The following ADAMTS3 variants were observed in gnomAD, a reference collection of about 807,000 sequenced individuals.
ADAMTS3 encodes A disintegrin and metalloproteinase with thrombospondin motifs 3.
A neutral mutation model predicts 129.0 loss-of-function variants in ADAMTS3; 73 were observed. The ratio of observed to expected loss-of-function variants is 0.57; its 90% CI spans 0.47 to 0.69. The LOEUF is 0.69. ADAMTS3 is among the 30% of genes least tolerant of loss of function. The probability of loss-of-function intolerance (pLI) is 0.00; values close to 1 mark genes in which losing one functional copy is unlikely to be tolerated. For synonymous variants in ADAMTS3, 477 were observed against 510.8 expected, an observed-to-expected ratio of 0.93 and a Z score of 0.89; for missense variants, 1,457 against 1,514.5, an observed-to-expected ratio of 0.96 and a Z score of 0.63.
chr4:72,478,534 G>A (rs1719315047), intron 3 of ADAMTS3, among the ~76,000 whole-genome samples: 1 of 148,956 alleles, frequency 6.7e-6, no homozygotes, highest in Non-Finnish European at 1.5e-5. Context: ...GTATTGATGG[G>A]ACATATCTCA....
intron 3 of ADAMTS3, among the ~76,000 whole-genome samples, chr4:72,470,263 A>G (rs937534315): frequency 2.0e-5 from 3 of 151,662 alleles, no homozygotes; most frequent in African/African-American, 7.3e-5. Flanking sequence ...CTACACTGAC[A>G]TGATTCCTCT....
chr4:72,466,990 T>G (rs1280846231), intron 3 of ADAMTS3, among the ~76,000 whole-genome samples: 2 of 152,074 alleles, frequency 1.3e-5, no homozygotes, highest in Non-Finnish European at 2.9e-5. Context: ...TATGTCACAT[T>G]TAAAACCTCA....
At chr4:72,356,126 A>T (rs1170755944) in intron 4 of ADAMTS3, among the ~76,000 whole-genome samples, 3 of 152,098 alleles carry the variant, frequency 2.0e-5, no homozygotes, top group African/African-American at 7.2e-5. Flanking sequence ...TAAACAAATG[A>T]GTGAACAAAT....
chr4:72,317,357 T>C (rs1433580520), intron 10 of ADAMTS3, among the ~76,000 whole-genome samples: 1 of 152,122 alleles, frequency 6.6e-6, no homozygotes, highest in Non-Finnish European at 1.5e-5. Context: ...ACAGACCAAA[T>C]GGTTGTATAT....
intron 3 of ADAMTS3, among the ~76,000 whole-genome samples, chr4:72,526,733 C>CATATAT (rs36097990): frequency 3.5e-4 from 35 of 99,046 alleles, no homozygotes; most frequent in Non-Finnish European, 4.4e-4. Flanking sequence ...TATATACATA[C>CATATAT]ATATATATAT....
intron 2 of ADAMTS3, among the ~76,000 whole-genome samples, chr4:72,565,073 C>A (rs2109810035): frequency 6.6e-6 from 1 of 152,274 alleles, no homozygotes; most frequent in East Asian, 1.9e-4. Flanking sequence ...TGTGAAAAAT[C>A]AGCAAAGTAC....
intron 4 of ADAMTS3, among the ~76,000 whole-genome samples, chr4:72,390,689 G>T (rs967516229): frequency 6.6e-6 from 1 of 152,160 alleles, no homozygotes; most frequent in Non-Finnish European, 1.5e-5. Context: ...TTAAGAGAAG[G>T]CTTCAGTAGC....
At chr4:72,498,490 C>G (rs1437279446) in intron 3 of ADAMTS3, among the ~76,000 whole-genome samples, 1 of 151,944 alleles carries the variant, frequency 6.6e-6, no homozygotes, top group Non-Finnish European at 1.5e-5. Context: ...ATACAACTTT[C>G]AAGGTAATAA....
chr4:72,283,685 G>C lies in ADAMTS3; in HGVS notation c.3069C>G (p.Asp1023Glu). The C allele has an allele frequency of 6.3e-7, 1 of 1,587,308 alleles. No individual in the cohort carries two copies. The highest frequency in any genetic ancestry group is 1.1e-5 in the South Asian group (1 of 88,508). Residue 1023 changes from aspartate (D) to glutamate (E), a missense_variant, in exon 22 of 22, where the codon GAC becomes GAG. Transcript: ENST00000286657. ...CTTCCATTTGACAGAATATGGACTT[G>C]TCTCCCAAACATGGTTCATCTGCAA... Reference protein sequence around the residue: ...PPCNDEPCLGDKSIFCQMEVL... With the variant: ...PPCNDEPCLGEKSIFCQMEVL...
In ADAMTS3 at chr4:72,321,036, T is replaced by C. The variant is rs1350844708; in HGVS notation, c.946-166A>G. Among the ~76,000 whole-genome samples, 7 of 152,212 alleles carry C rather than the reference T, an allele frequency of 4.6e-5. No individual in the cohort carries two copies. The East Asian group carries it at 1.3e-3, about 29-fold the overall frequency. On this transcript the variant is annotated intron_variant, in intron 6 of 21. Coordinates refer to ENST00000286657, the MANE Select transcript of ADAMTS3 (RefSeq NM_014243.3). The stretch of plus-strand genomic sequence containing the variant: ...TTGATTTGTGACTTCTAAATGCCCA[T>C]GAAGGATATTTTAATAATAATCAAT...
intron 4 of ADAMTS3, among the ~76,000 whole-genome samples, chr4:72,350,168 G>T (rs1720394487): frequency 6.6e-6 from 1 of 151,892 alleles, no homozygotes; most frequent in Admixed American, 6.6e-5. Context: ...ACACTTATTT[G>T]CCAATATAAA....
intron 2 of ADAMTS3, among the ~76,000 whole-genome samples, chr4:72,566,389 C>G (rs900372462): frequency 6.6e-6 from 1 of 152,158 alleles, no homozygotes; most frequent in Non-Finnish European, 1.5e-5. Flanking sequence ...ACAATAGTAT[C>G]CCCACCTCAC....
At chr4:72,485,179 C>A (rs1719552489) in intron 3 of ADAMTS3, among the ~76,000 whole-genome samples, 4 of 152,088 alleles carry the variant, frequency 2.6e-5, no homozygotes, top group Admixed American at 2.6e-4. Flanking sequence ...GGAACAAGAT[C>A]CGTAGTTCAA....
chr4:72,521,159 A>C (rs1424349944), intron 3 of ADAMTS3, among the ~76,000 whole-genome samples: 1 of 151,836 alleles, frequency 6.6e-6, no homozygotes, highest in Non-Finnish European at 1.5e-5. Context: ...CACCACCCCC[A>C]GCTAATTTTT....
intron 4 of ADAMTS3, among the ~76,000 whole-genome samples, chr4:72,390,011 G>A (rs1378661550): frequency 6.6e-6 from 1 of 152,178 alleles, no homozygotes; most frequent in East Asian, 1.9e-4. Flanking sequence ...AAGAGGGCAG[G>A]AAAAGGAGAG....
At chr4:72,463,187 G>T (rs1718819564) in intron 3 of ADAMTS3, among the ~76,000 whole-genome samples, 1 of 151,958 alleles carries the variant, frequency 6.6e-6, no homozygotes, top group African/African-American at 2.4e-5. Context: ...TGTAGCCTAG[G>T]ATCAATAGAC....
chr4:72,338,441 CAG>C (rs1720044459), intron 5 of ADAMTS3, among the ~76,000 whole-genome samples: 1 of 152,088 alleles, frequency 6.6e-6, no homozygotes. Flanking sequence ...TTCCATTTCA[CAG>C]AGATATGGTA....
intron 2 of ADAMTS3, among the ~76,000 whole-genome samples, chr4:72,566,820 AGAGTACTGG>A: frequency 6.6e-6 from 1 of 152,242 alleles, no homozygotes; most frequent in Non-Finnish European, 1.5e-5. Context: ...CACCATCAGA[AGAGTACTGG>A]GATTTTAGAT....
Position 72,325,085 on chromosome 4 carries a change from T to C in ADAMTS3, c.862-1988A>G, listed in dbSNP as rs183327162. ...TTTATAAGTGAGAGGGAGGAAAGGG[T>C]TTTTTAAGGATATTAGAGTATGAGA... On this transcript the variant is annotated intron_variant, in intron 5 of 21. Coordinates refer to ENST00000286657, the MANE Select transcript of ADAMTS3 (RefSeq NM_014243.3). 1.7e-3 allele frequency among the ~76,000 whole-genome samples: 252 copies of C among 151,542 alleles called. 1 individual carries two copies. Among genetic ancestry groups the C allele is most frequent in the Admixed American group, 6.3e-3 (95 of 15,178 alleles).
Sources: allele counts gnomAD v4.1 joint callset (sites outside exome capture counted in the v4.1 genomes callset), GRCh38; gene constraint gnomAD v4.1.1; transcripts MANE v1.5; gene names NCBI Gene and HGNC (gene_info 2026-07-23, HGNC 2026-07-21).